Variants in NTN4 observed in about 807,000 individuals in gnomAD.
NTN4 encodes netrin 4.
In NTN4, 32 loss-of-function variants were observed where a neutral mutation model predicts 73.6. The observed-to-expected ratio is 0.44, with a 90% CI of 0.33 to 0.58. The LOEUF (loss-of-function observed/expected upper bound fraction) is 0.58, where lower values mean the gene tolerates loss of function less well. Among genes scored for constraint, NTN4 ranks in the 20% least tolerant of loss-of-function variants. The pLI is 0.04. For synonymous variants in NTN4, 258 were observed against 287.5 expected (o/e 0.90, Z 1.04); for missense variants, 654 against 798.3 (o/e 0.82, Z 2.18).
chr12:95,683,365 CA>C (rs2078334166), intron 6 of NTN4, 132 bp downstream of exon 6: 2 of 871,252 alleles, frequency 2.3e-6, no homozygotes, highest in East Asian at 5.3e-5. Flanking sequence ...CCCAGCCTGA[CA>C]AAAATTCTTT....
chr12:95,760,356 T>C (rs1196037468), intron 2 of NTN4, among the ~76,000 whole-genome samples: 1 of 152,204 alleles, frequency 6.6e-6, no homozygotes, highest in East Asian at 1.9e-4. Flanking sequence ...CTTTTAGAGT[T>C]TACCTCACAC....
At chr12:95,754,615 C>T (rs1204875680) in intron 2 of NTN4, among the ~76,000 whole-genome samples, 10 of 152,256 alleles carry the variant, frequency 6.6e-5, no homozygotes, top group Non-Finnish European at 1.0e-4. Flanking sequence ...GTTCCTGCCC[C>T]ACCTTAACTG....
chr12:95,723,586 G>A (rs987585887), intron 3 of NTN4, among the ~76,000 whole-genome samples: 4 of 152,044 alleles, frequency 2.6e-5, no homozygotes, highest in African/African-American at 9.7e-5. Context: ...CACTATCTTG[G>A]TTCACTGCAA....
In NTN4 at chr12:95,703,929, TA is replaced by T. The variant is rs200366055; in HGVS notation, c.1180+6511del. Among the ~76,000 whole-genome samples the T allele has an allele frequency of 8.7e-3, 1,327 of 151,954 alleles. 21 individuals are homozygous for T. The highest frequency in any genetic ancestry group is 0.03 in the African/African-American group (1,247 of 41,436). On this transcript the variant is annotated intron_variant, in intron 5 of 9. Transcript: ENST00000343702. ...AAGCATTCAAGAGCACTCTCAACCTTAAAAAAAAATTTTTAAGAGATGGGAA... is the reference window on the plus strand; with the variant it reads ...AAGCATTCAAGAGCACTCTCAACCTTAAAAAAAATTTTTAAGAGATGGGAA...
intron 5 of NTN4, among the ~76,000 whole-genome samples, chr12:95,684,908 G>C (rs2078349630): frequency 6.6e-6 from 1 of 151,956 alleles, no homozygotes; most frequent in Non-Finnish European, 1.5e-5. Context: ...GTCTTTTCTT[G>C]TTCCAGGCTG....
intron 2 of NTN4, among the ~76,000 whole-genome samples, chr12:95,748,952 AAAG>A (rs1319641222): frequency 1.3e-4 from 20 of 152,152 alleles, no homozygotes; most frequent in Admixed American, 1.0e-3. Flanking sequence ...AAGAATCACA[AAAG>A]AAGAGAAAAG....
At chr12:95,790,925 G>C (rs2079205486), upstream of NTN4, among the ~76,000 whole-genome samples, 1 of 80,666 alleles carries the variant, frequency 1.2e-5, no homozygotes, top group South Asian at 6.9e-4. The surrounding 1 kb of genome is among the most constrained non-coding windows in gnomAD (Gnocchi z 6.5). Flanking sequence ...TGCCGCTGCC[G>C]CCCGGGGGGG....
intron 5 of NTN4, among the ~76,000 whole-genome samples, chr12:95,688,707 T>A (rs556306248): frequency 4.7e-5 from 7 of 150,192 alleles, no homozygotes; most frequent in Non-Finnish European, 1.0e-4. Context: ...GGTGGAAACA[T>A]CCATAGGTAC....
At chr12:95,748,445 A>T (rs1382336561) in intron 2 of NTN4, among the ~76,000 whole-genome samples, 5 of 150,040 alleles carry the variant, frequency 3.3e-5, no homozygotes, top group South Asian at 4.2e-4. Context: ...AAAAAGACAA[A>T]TCACCTCCAT....
chr12:95,762,283 T>C (rs1279827001), intron 2 of NTN4, among the ~76,000 whole-genome samples: 1 of 152,222 alleles, frequency 6.6e-6, no homozygotes, highest in Non-Finnish European at 1.5e-5. Flanking sequence ...AGATCCTGGC[T>C]ACCAAACAGA....
intron 5 of NTN4, among the ~76,000 whole-genome samples, chr12:95,706,672 G>A (rs539909796): frequency 1.3e-5 from 2 of 152,214 alleles, no homozygotes; most frequent in African/African-American, 4.8e-5. Flanking sequence ...ATCCTCCAAC[G>A]TTTTCTTGCA....
In NTN4 at chr12:95,781,866, A is replaced by G. The variant is rs971992210; in HGVS notation, c.585+5073T>C. Among the ~76,000 whole-genome samples, 2 of 152,030 alleles carry G rather than the reference A, an allele frequency of 1.3e-5. No homozygotes were observed. The highest frequency in any genetic ancestry group is 4.8e-5 in the African/African-American group (2 of 41,392). On this transcript the variant is annotated intron_variant, in intron 2 of 9. Transcript: ENST00000343702. The surrounding 1 kb of genome is among the most constrained non-coding windows in gnomAD (Gnocchi z 4.1). ...CACAGATTTTACTTATTTGCTCTCT[A>G]TCTCCCCATCCCCACATTAGAATCT...
intron 2 of NTN4, among the ~76,000 whole-genome samples, chr12:95,777,809 A>G (rs1476930674): frequency 2.0e-5 from 3 of 152,216 alleles, no homozygotes; most frequent in Non-Finnish European, 4.4e-5. Context: ...CTCTGCACCA[A>G]CTGGACCTAA....
intron 9 of NTN4, among the ~76,000 whole-genome samples, chr12:95,663,053 G>A (rs1032926997): frequency 1.3e-5 from 2 of 152,002 alleles, no homozygotes; most frequent in Admixed American, 6.6e-5. Flanking sequence ...CTGGGAGGTC[G>A]AGGCTGCAGT....
intron 2 of NTN4, among the ~76,000 whole-genome samples, chr12:95,752,146 G>A (rs1040383289): frequency 2.0e-5 from 3 of 151,666 alleles, no homozygotes; most frequent in Non-Finnish European, 4.4e-5. Context: ...CCCACTCAAC[G>A]CCAATATCCC....
intron 5 of NTN4, among the ~76,000 whole-genome samples, chr12:95,699,024 TAA>T (rs34883760): frequency 4.1e-4 from 58 of 140,328 alleles, no homozygotes; most frequent in African/African-American, 3.7e-4. Context: ...CTTCTTGGAT[TAA>T]AAAAAAAAAA....
At chr12:95,734,113 G>A (rs2078758696) in intron 3 of NTN4, among the ~76,000 whole-genome samples, 1 of 151,042 alleles carries the variant, frequency 6.6e-6, no homozygotes, top group South Asian at 2.1e-4. Context: ...GGTAAATGAG[G>A]CTCCTAGTTT....
At chr12:95,778,426 A>T (rs2079109557) in intron 2 of NTN4, among the ~76,000 whole-genome samples, 1 of 152,170 alleles carries the variant, frequency 6.6e-6, no homozygotes, top group Non-Finnish European at 1.5e-5. Context: ...AAGACCAATA[A>T]AGAAGAAAAG....
chr12:95,674,901 G>C (rs572200723), intron 7 of NTN4, among the ~76,000 whole-genome samples: 13 of 152,318 alleles, frequency 8.5e-5, no homozygotes, highest in Non-Finnish European at 1.6e-4. Context: ...AGCACTTTAT[G>C]TGCTTGGCTG....
Sources: gnomAD v4.1 joint callset for allele counts (sites outside exome capture counted in the v4.1 genomes callset) on GRCh38, gnomAD v4.1.1 for gene constraint, Gnocchi (gnomAD v3.1) non-coding constraint, MANE v1.5 for transcripts, NCBI Gene and HGNC (gene_info 2026-07-23, HGNC 2026-07-21) for gene names.